Variants in RASA3 observed in about 807,000 individuals in gnomAD.
The protein encoded by RASA3 is RAS p21 protein activator 3, also known as ras GTPase-activating protein 3.
RASA3 carries 73 observed loss-of-function variants against 110.0 expected under a neutral mutation model. The observed-to-expected ratio is 0.66, with a 90% confidence interval of 0.55 to 0.81. RASA3 has a LOEUF of 0.81. Among genes scored for constraint, RASA3 ranks in the 30% least tolerant of loss-of-function variants. RASA3 has a pLI of 0.00. For synonymous variants in RASA3, 500 were observed against 451.4 expected, an observed-to-expected ratio of 1.11 and a Z score of -1.37; for missense variants, 976 against 1,113.2, an observed-to-expected ratio of 0.88 and a Z score of 1.75.
rs1252358612 is a variant in RASA3 at position 114,071,158 on chromosome 13, C to T, written c.173+2562G>A. On this transcript the variant is annotated intron_variant, in intron 2 of 23. Transcript: ENST00000334062. ...TTTGAGACAAGGTCTTGCTCTGTCG[C>T]CCAGGCTGAAGTGCAGTGATGTAAT... 4.6e-5 allele frequency among the ~76,000 whole-genome samples: 7 copies of T among 152,316 alleles called. No homozygotes were observed. The East Asian group carries it at 1.3e-3, about 29-fold the overall frequency.
intron 1 of RASA3, among the ~76,000 whole-genome samples, chr13:114,118,290 C>G (rs1006834431): frequency 6.6e-6 from 1 of 152,128 alleles, no homozygotes; most frequent in African/African-American, 2.4e-5. Context: ...CTCAGGCCCA[C>G]CCCCGCCTGT....
At chr13:114,125,518 C>T (rs575469211) in intron 1 of RASA3, among the ~76,000 whole-genome samples, 20 of 152,318 alleles carry the variant, frequency 1.3e-4, no homozygotes, top group African/African-American at 4.6e-4. Context: ...GGGGATAGCG[C>T]TGAGCTGTTC....
intron 1 of RASA3, among the ~76,000 whole-genome samples, chr13:114,125,986 C>G (rs2080443248): frequency 1.0e-4 from 3 of 29,018 alleles, no homozygotes; most frequent in African/African-American, 5.3e-4. Context: ...TGCTGCCCAA[C>G]CTCGCACCCT....
intron 2 of RASA3, among the ~76,000 whole-genome samples, chr13:114,053,657 G>C (rs1418037158): frequency 6.6e-6 from 1 of 152,220 alleles, no homozygotes; most frequent in African/African-American, 2.4e-5. Context: ...GGGTGTAAGG[G>C]TTGGAGCTAC....
chr13:114,054,587 T>C (rs2079205774), intron 2 of RASA3, among the ~76,000 whole-genome samples: 2 of 152,246 alleles, frequency 1.3e-5, no homozygotes, highest in African/African-American at 4.8e-5. Flanking sequence ...TTTTTATAAC[T>C]GGGTCAGAGA....
At chr13:114,049,649 C>T (rs1482928479) in intron 3 of RASA3, among the ~76,000 whole-genome samples, 1 of 152,272 alleles carries the variant, frequency 6.6e-6, no homozygotes, top group Non-Finnish European at 1.5e-5. Context: ...CACACGGTCA[C>T]ACCTCAATTC....
At chr13:113,981,062 C>G (rs1271750156) in intron 23 of RASA3, among the ~76,000 whole-genome samples, 1 of 152,186 alleles carries the variant, frequency 6.6e-6, no homozygotes, top group South Asian at 2.1e-4. Context: ...GTGACACAGA[C>G]ACATCTGCTC....
intron 1 of RASA3, among the ~76,000 whole-genome samples, chr13:114,104,335 C>T (rs1452008245): frequency 6.6e-6 from 1 of 151,008 alleles, no homozygotes; most frequent in African/African-American, 2.4e-5. Context: ...ACACTGCCGC[C>T]GGCCACGGAC....
chr13:114,074,998 C>T (rs550388975), intron 1 of RASA3, among the ~76,000 whole-genome samples: 1 of 152,328 alleles, frequency 6.6e-6, no homozygotes, highest in Admixed American at 6.5e-5. Flanking sequence ...CAAACACACT[C>T]GCGCCTCCCC....
chr13:114,056,791 G>A lies in RASA3; in HGVS notation c.174-4636C>T. The A allele has an allele frequency of 1.7e-6, 1 of 594,362 alleles. No homozygotes were observed. The highest frequency in any genetic ancestry group is 2.1e-6 in the Non-Finnish European group (1 of 472,378). 36.8% of individuals were successfully genotyped at this position (594,362 alleles called of 1,614,324 possible). Reference sequence around the variant, plus strand: ...CTCCATAAAATTATCACCACAGACTGGACGTGCCCCTTTCTAAATGTAAAA... The same window carrying A: ...CTCCATAAAATTATCACCACAGACTAGACGTGCCCCTTTCTAAATGTAAAA... On this transcript the variant is annotated intron_variant, in intron 2 of 23. Coordinates refer to ENST00000334062, the MANE Select transcript of RASA3 (RefSeq NM_007368.4). The surrounding 1 kb of genome is among the most constrained non-coding windows in gnomAD (Gnocchi z 5.7).
chr13:114,077,590 C>T (rs2079710145), intron 1 of RASA3, among the ~76,000 whole-genome samples: 1 of 144,224 alleles, frequency 6.9e-6, no homozygotes, highest in African/African-American at 2.6e-5. Flanking sequence ...GCACCGGATT[C>T]ATCCTTCCTC....
intron 17 of RASA3, 74 bp from the exon 18 acceptor site, chr13:114,007,680 G>A (rs879381851): frequency 2.0e-5 from 25 of 1,252,188 alleles, no homozygotes; most frequent in Admixed American, 1.0e-4. Flanking sequence ...TATAACAACA[G>A]CGTCGGCGGC....
intron 1 of RASA3, among the ~76,000 whole-genome samples, chr13:114,078,954 C>G (rs1419793229): frequency 6.6e-6 from 1 of 152,236 alleles, no homozygotes. Context: ...AGACCCCACC[C>G]AGCACTGCTC....
At chr13:114,118,015 C>T (rs1465264022) in intron 1 of RASA3, among the ~76,000 whole-genome samples, 1 of 152,004 alleles carries the variant, frequency 6.6e-6, no homozygotes, top group African/African-American at 2.4e-5. Context: ...GTGTGCACAC[C>T]AAGTGTCCGT....
chr13:113,997,888 A>G (rs911908606), intron 20 of RASA3, among the ~76,000 whole-genome samples: 1 of 152,026 alleles, frequency 6.6e-6, no homozygotes, highest in African/African-American at 2.4e-5. Flanking sequence ...CCCGCCTTGC[A>G]CCCGGCACAT....
intron 1 of RASA3, among the ~76,000 whole-genome samples, chr13:114,131,791 C>A (rs1268636377): frequency 3.3e-5 from 5 of 151,954 alleles, no homozygotes; most frequent in African/African-American, 1.2e-4. Flanking sequence ...CATGCATCCA[C>A]ACACAAATAC....
Position 114,114,023 on chromosome 13 carries a change from C to T in RASA3, c.55+18412G>A, listed in dbSNP as rs1474687800. Among the ~76,000 whole-genome samples, 1 of 151,442 alleles carries T rather than the reference C, an allele frequency of 6.6e-6. No homozygotes were observed. The highest frequency in any genetic ancestry group is 1.5e-5 in the Non-Finnish European group (1 of 67,966). On this transcript the variant is annotated intron_variant, in intron 1 of 23. Coordinates refer to ENST00000334062, the MANE Select transcript of RASA3 (RefSeq NM_007368.4). The surrounding 1 kb of genome is among the most constrained non-coding windows in gnomAD (Gnocchi z 4.8). The stretch of plus-strand genomic sequence containing the variant: ...CACACCGCGTCCATCAGTCCACCCA[C>T]CATGGCGAGTGATGTCCGTATAGCT...
chr13:114,062,647 C>T (rs1322687230), intron 2 of RASA3, among the ~76,000 whole-genome samples: 16 of 151,038 alleles, frequency 1.1e-4, no homozygotes. Context: ...CATGCAGACT[C>T]GGACACGCGT....
intron 18 of RASA3, among the ~76,000 whole-genome samples, chr13:114,005,725 GC>G (rs553403519): frequency 6.0e-4 from 90 of 151,202 alleles, no homozygotes; most frequent in African/African-American, 2.1e-3. Context: ...GGGACTGGGG[GC>G]CCCCATCCCT....
Sources: gnomAD v4.1 joint callset for allele counts (sites outside exome capture counted in the v4.1 genomes callset) on GRCh38, gnomAD v4.1.1 for gene constraint, Gnocchi (gnomAD v3.1) non-coding constraint, MANE v1.5 for transcripts, NCBI Gene and HGNC (gene_info 2026-07-23, HGNC 2026-07-21) for gene names.